Variants in RBFOX1 observed in about 807,000 individuals in gnomAD.
The protein encoded by RBFOX1 is RNA binding protein fox-1 homolog 1.
A neutral mutation model predicts 57.7 loss-of-function variants in RBFOX1; 8 were observed. The ratio of observed to expected loss-of-function variants is 0.14; its 90% CI spans 0.08 to 0.25. The LOEUF is 0.25. Ranked by LOEUF, RBFOX1 falls within the 10% of genes least tolerant of loss-of-function variation. The pLI, the probability that RBFOX1 is intolerant of heterozygous loss-of-function variation, is 1.00. For synonymous variants in RBFOX1, 326 were observed against 222.4 expected, an observed-to-expected ratio of 1.47 and a Z score of -4.15; for missense variants, 611 against 548.5, an observed-to-expected ratio of 1.11 and a Z score of -1.14.
At chr16:6,531,447 G>T (rs1347062980) in intron 2 of RBFOX1, among the ~76,000 whole-genome samples, 1 of 152,152 alleles carries the variant, frequency 6.6e-6, no homozygotes, top group Non-Finnish European at 1.5e-5. Flanking sequence ...AAGACCTATG[G>T]ATGTCCTGAT....
chr16:7,367,692 C>G (rs1230338237), intron 4 of RBFOX1, among the ~76,000 whole-genome samples: 1 of 152,152 alleles, frequency 6.6e-6, no homozygotes, highest in Non-Finnish European at 1.5e-5. Context: ...CCCATCCCAT[C>G]TGTTCTATCT....
chr16:7,366,741 A>G lies in RBFOX1; in HGVS notation c.28-151406A>G, dbSNP rs182057080. Among the ~76,000 whole-genome samples, 361 of 152,254 alleles carry G rather than the reference A, an allele frequency of 2.4e-3. 3 individuals are homozygous for G. The highest frequency in any genetic ancestry group is 5.6e-4 in the Non-Finnish European group (38 of 68,018). On this transcript the variant is annotated intron_variant, in intron 4 of 15. Coordinates refer to ENST00000550418, the MANE Select transcript of RBFOX1 (RefSeq NM_018723.4). ...CAGAGACCCAATTATGGCAGCTACA[A>G]AGCCGTTCAAGAGTAAGCAGAGAAA... is the stretch of plus-strand genomic sequence containing the variant.
At chr16:6,850,218 G>T (rs528541394) in intron 3 of RBFOX1, among the ~76,000 whole-genome samples, 3 of 152,296 alleles carry the variant, frequency 2.0e-5, no homozygotes, top group Admixed American at 6.5e-5. Flanking sequence ...AAGCAGAAAT[G>T]ATTCCTCTTT....
chr16:7,002,093 T>A (rs1358490365), intron 3 of RBFOX1, among the ~76,000 whole-genome samples: 1 of 144,434 alleles, frequency 6.9e-6, no homozygotes, highest in Non-Finnish European at 1.6e-5. Context: ...TTAGACGCTA[T>A]GGAGAAATTT....
chr16:6,743,874 C>G (rs1197355957), intron 3 of RBFOX1, among the ~76,000 whole-genome samples: 1 of 133,920 alleles, frequency 7.5e-6, no homozygotes, highest in Admixed American at 7.2e-5. Flanking sequence ...AACACATTTT[C>G]CTATACATTA....
intron 4 of RBFOX1, among the ~76,000 whole-genome samples, chr16:7,308,969 C>T (rs987885852): frequency 2.0e-5 from 3 of 152,064 alleles, no homozygotes; most frequent in Non-Finnish European, 2.9e-5. Flanking sequence ...GGCTTAATCC[C>T]GTGTTGATTT....
chr16:6,651,076 A>G (rs776183597), intron 2 of RBFOX1, among the ~76,000 whole-genome samples: 5 of 152,116 alleles, frequency 3.3e-5, no homozygotes, highest in Non-Finnish European at 5.9e-5. Context: ...CTAATTCTGT[A>G]TGTTTAGTGG....
chr16:7,453,836 C>A (rs745636892), intron 4 of RBFOX1, among the ~76,000 whole-genome samples: 1 of 152,120 alleles, frequency 6.6e-6, no homozygotes, highest in Non-Finnish European at 1.5e-5. Context: ...AGATGGCATT[C>A]CTAGAGTTCA....
chr16:6,192,839 T>C (rs1183876527), intron 1 of RBFOX1, among the ~76,000 whole-genome samples: 2 of 152,172 alleles, frequency 1.3e-5, no homozygotes, highest in African/African-American at 2.4e-5. Context: ...TTATCATTAA[T>C]AAAAAGCATC....
At chr16:7,098,692 G>C (rs1380713112) in intron 4 of RBFOX1, among the ~76,000 whole-genome samples, 2 of 152,012 alleles carry the variant, frequency 1.3e-5, no homozygotes, top group Non-Finnish European at 2.9e-5. Flanking sequence ...GCTCATGCCT[G>C]TAATCCTGGC....
At chr16:6,599,977 C>G (rs2097830329) in intron 2 of RBFOX1, among the ~76,000 whole-genome samples, 1 of 152,160 alleles carries the variant, frequency 6.6e-6, no homozygotes, top group South Asian at 2.1e-4. Context: ...GTAAGGTATG[C>G]AACATGTTGT....
chr16:7,016,216 A>T (rs1021925657), intron 3 of RBFOX1, among the ~76,000 whole-genome samples: 2 of 152,158 alleles, frequency 1.3e-5, no homozygotes, highest in African/African-American at 4.8e-5. Flanking sequence ...ATCGCCATCA[A>T]CATGTATCCC....
chr16:7,248,917 C>A (rs77722636), intron 4 of RBFOX1, among the ~76,000 whole-genome samples: 1 of 152,164 alleles, frequency 6.6e-6, no homozygotes, highest in African/African-American at 2.4e-5. Context: ...CAACAGCCAT[C>A]GCCCAAGAAA....
Position 6,779,981 on chromosome 16 carries a change from TTATATATTTATATATTTATATATATTTA to T in RBFOX1, c.-16+125370_-16+125397del, listed in dbSNP as rs1567210957. ...TATATATTTATATATATTTATATAT[TTATATATTTATATATTTATATATATTTA>T]TATATATTTATATATTTATATATAT... On this transcript the variant is annotated intron_variant, in intron 3 of 15. Transcript: ENST00000550418. Among the ~76,000 whole-genome samples, 40 of 19,144 alleles carry T rather than the reference TTATATATTTATATATTTATATATATTTA, an allele frequency of 2.1e-3. 2 individuals are homozygous for T. Among genetic ancestry groups the T allele is most frequent in the Non-Finnish European group, 2.7e-3 (34 of 12,804 alleles). 12.6% of individuals were successfully genotyped at this position (19,144 alleles called of 152,430 possible).
intron 3 of RBFOX1, among the ~76,000 whole-genome samples, chr16:6,899,273 C>G (rs1033389744): frequency 6.6e-6 from 1 of 151,828 alleles, no homozygotes; most frequent in Admixed American, 6.6e-5. Flanking sequence ...ATAACGTGTG[C>G]ATGTATGTGT....
intron 3 of RBFOX1, among the ~76,000 whole-genome samples, chr16:7,022,755 C>A (rs2039683446): frequency 6.6e-6 from 1 of 152,082 alleles, no homozygotes; most frequent in South Asian, 2.1e-4. Context: ...CAAACAGTTT[C>A]CTAATGTTTG....
At chr16:7,600,245 G>C (rs993507596) in intron 9 of RBFOX1, among the ~76,000 whole-genome samples, 1 of 152,130 alleles carries the variant, frequency 6.6e-6, no homozygotes, top group East Asian at 1.9e-4. Flanking sequence ...TGGCACCTAA[G>C]GGGTTGATGG....
chr16:5,443,324 A>G (rs1019778020), intron 1 of RBFOX1, among the ~76,000 whole-genome samples: 1 of 152,002 alleles, frequency 6.6e-6, no homozygotes, highest in Non-Finnish European at 1.5e-5. Flanking sequence ...CATGTCACCT[A>G]CCATCTGCGT....
At position 7,504,743 on chromosome 16, in the gene RBFOX1, A is replaced by ATATT. The variant is rs1600242738; in HGVS notation, c.28-13401_28-13400insTTAT. On this transcript the variant is annotated intron_variant, in intron 4 of 15. Coordinates refer to ENST00000550418, the MANE Select transcript of RBFOX1 (RefSeq NM_018723.4). ...TATATATATATATATATATATATAT[A>ATATT]TATATATATATTTATATATATATAT... Among the ~76,000 whole-genome samples, 34 of 14,968 alleles carry ATATT rather than the reference A, an allele frequency of 2.3e-3. 2 individuals are homozygous for ATATT. Among genetic ancestry groups the ATATT allele is most frequent in the South Asian group, 0.011 (4 of 354 alleles). The allele number at this position is 14,968 out of a possible 152,430, so 9.8% of individuals were successfully genotyped here.
Sources: gnomAD v4.1 joint callset for allele counts (sites outside exome capture counted in the v4.1 genomes callset) on GRCh38, gnomAD v4.1.1 for gene constraint, MANE v1.5 for transcripts, NCBI Gene and HGNC (gene_info 2026-07-23, HGNC 2026-07-21) for gene names.